The following NAV2 variants were observed in gnomAD, a reference collection of about 807,000 sequenced individuals.
NAV2 encodes neuron navigator 2.
Under a neutral mutation model 223.2 loss-of-function variants are expected in NAV2, and 54 were observed. That is an observed-to-expected ratio of 0.24 (90% CI 0.19 to 0.30). NAV2 has a LOEUF of 0.30. NAV2 is among the 10% of genes least tolerant of loss of function. NAV2 has a pLI of 1.00. For missense variants in NAV2, 2,806 were observed against 3,147.5 expected (o/e 0.89, Z 2.60); for synonymous variants, 1,279 against 1,239.3 (o/e 1.03, Z -0.67).
At chr11:20,105,840 A>G (rs2061985743) in intron 35 of NAV2, 113 bp downstream of exon 35, 3 of 841,154 alleles carry the variant, frequency 3.6e-6, no homozygotes, top group East Asian at 2.5e-5. Context: ...TGGACTGTCC[A>G]TAAAGATAGA....
chr11:19,454,389 G>A (rs943833631), intron 1 of NAV2, among the ~76,000 whole-genome samples: 3 of 152,192 alleles, frequency 2.0e-5, no homozygotes, highest in African/African-American at 7.2e-5. Flanking sequence ...GACACAGCCT[G>A]TCTGTGGCTT....
At chr11:19,813,753 T>A (rs1478748199) in intron 1 of NAV2, among the ~76,000 whole-genome samples, 2 of 152,298 alleles carry the variant, frequency 1.3e-5, no homozygotes, top group Middle Eastern at 3.4e-3. Context: ...CGTTGACTGC[T>A]GAGGACTGCG....
chr11:19,577,588 C>T (rs1218798243), intron 1 of NAV2, among the ~76,000 whole-genome samples: 2 of 152,252 alleles, frequency 1.3e-5, no homozygotes, highest in Non-Finnish European at 2.9e-5. Flanking sequence ...GCAGATCTCT[C>T]AACAAAATGT....
At chr11:19,484,139 C>CACACAT (rs1372168745) in intron 1 of NAV2, among the ~76,000 whole-genome samples, 10 of 151,366 alleles carry the variant, frequency 6.6e-5, no homozygotes, top group Non-Finnish European at 1.5e-5. Flanking sequence ...CACACACACA[C>CACACAT]ACACACACAC....
At chr11:19,621,765 C>T (rs762010560) in intron 1 of NAV2, among the ~76,000 whole-genome samples, 3 of 152,056 alleles carry the variant, frequency 2.0e-5, no homozygotes, top group African/African-American at 7.2e-5. Context: ...TTCAGTTCCG[C>T]TCTGATCTTA....
intron 1 of NAV2, among the ~76,000 whole-genome samples, chr11:19,448,913 T>A (rs1357768708): frequency 1.3e-5 from 2 of 152,204 alleles, no homozygotes; most frequent in Non-Finnish European, 2.9e-5. Context: ...CTAAGAGTGA[T>A]TGCTAAGGAA....
intron 1 of NAV2, among the ~76,000 whole-genome samples, chr11:19,604,938 C>G (rs2046440173): frequency 6.6e-6 from 1 of 152,222 alleles, no homozygotes; most frequent in Non-Finnish European, 1.5e-5. Flanking sequence ...ACTTGCTCCT[C>G]CTTGCCTTCT....
chr11:20,090,998 G>A lies in NAV2; in HGVS notation c.5632G>A (p.Glu1878Lys). The A allele has an allele frequency of 1.2e-6, 2 of 1,613,550 alleles. No individual in the cohort carries two copies. Among genetic ancestry groups the A allele is most frequent in the Non-Finnish European group, 1.7e-6 (2 of 1,179,848 alleles). ...SSAHQLDQLR[E>K]AMNRMQSEIE... is the part of the protein sequence containing the mutation. ...TGCCCACCAGCTGGACCAGCTCCGG[G>A]AGGCCATGAACAGGATGCAGGTGAG... Residue 1878 changes from glutamate (E) to lysine (K), a missense_variant, in exon 27 of 38, where the codon GAG becomes AAG. By Grantham distance (56) the Glu-to-Lys change is moderately conservative. Around this residue, in one of 4 missense-constraint regions of NAV2, gnomAD observed 824 missense variants for 1,069.4 expected, o/e 0.77. Coordinates refer to ENST00000349880, the MANE Select transcript of NAV2 (RefSeq NM_145117.5).
Position 19,547,993 on chromosome 11 carries a change from A to C in NAV2, c.75+196966A>C, listed in dbSNP as rs528736780. 1.6e-4 allele frequency among the ~76,000 whole-genome samples: 25 copies of C among 152,324 alleles called. No homozygotes were observed. The East Asian group carries it at 4.8e-3, about 29-fold the overall frequency. On this transcript the variant is annotated intron_variant, in intron 1 of 37. Transcript: ENST00000360655. ...TTACAGATGGGGAATCCCAGCCTGC[A>C]AGAGGTTAAATAACCAGCCACACAT...
intron 1 of NAV2, among the ~76,000 whole-genome samples, chr11:19,440,190 C>T (rs1590206768): frequency 6.6e-6 from 1 of 152,198 alleles, no homozygotes; most frequent in Non-Finnish European, 1.5e-5. Flanking sequence ...CTGCATGAAG[C>T]TACTGTCTAG....
At chr11:19,392,124 C>T (rs1013333430) in intron 1 of NAV2, among the ~76,000 whole-genome samples, 3 of 152,144 alleles carry the variant, frequency 2.0e-5, no homozygotes, top group Admixed American at 6.5e-5. Context: ...GAGAATCAGA[C>T]TTGAAAAGTA....
intron 25 of NAV2, among the ~76,000 whole-genome samples, chr11:20,080,567 A>G (rs1276178366): frequency 5.9e-5 from 2 of 33,822 alleles, no homozygotes; most frequent in Non-Finnish European, 1.2e-4. Flanking sequence ...ATAGATCCAA[A>G]ATATTTTTTT....
intron 1 of NAV2, among the ~76,000 whole-genome samples, chr11:19,435,277 C>A (rs1158802960): frequency 6.6e-6 from 1 of 152,128 alleles, no homozygotes; most frequent in Non-Finnish European, 1.5e-5. Flanking sequence ...ACTCTTTCTT[C>A]TATGAGTCTG....
At chr11:19,400,344 C>T (rs932632572) in intron 1 of NAV2, among the ~76,000 whole-genome samples, 1 of 152,170 alleles carries the variant, frequency 6.6e-6, no homozygotes, top group African/African-American at 2.4e-5. Flanking sequence ...TGGGCTTTGC[C>T]AATTCCGAAG....
chr11:19,686,253 T>C (rs2049019900), intron 1 of NAV2, among the ~76,000 whole-genome samples: 1 of 152,168 alleles, frequency 6.6e-6, no homozygotes, highest in East Asian at 1.9e-4. Context: ...TGTGATATGT[T>C]CCCTTGCTTT....
At chr11:19,813,659 C>T (rs927743129) in intron 1 of NAV2, among the ~76,000 whole-genome samples, 7 of 152,144 alleles carry the variant, frequency 4.6e-5, no homozygotes, top group African/African-American at 1.2e-4. Flanking sequence ...ACAGCGGGTG[C>T]GTGACTTCAG....
At chr11:19,966,051 G>C (rs1480569180) in intron 10 of NAV2, among the ~76,000 whole-genome samples, 2 of 152,168 alleles carry the variant, frequency 1.3e-5, no homozygotes, top group African/African-American at 4.8e-5. Context: ...AAGGGCAAAG[G>C]GTACAGTGAA....
intron 1 of NAV2, among the ~76,000 whole-genome samples, chr11:19,447,681 C>A (rs1851635924): frequency 6.6e-6 from 1 of 152,212 alleles, no homozygotes; most frequent in South Asian, 2.1e-4. Context: ...AAGCCTGCCT[C>A]ATGGGCAGAG....
intron 6 of NAV2, among the ~76,000 whole-genome samples, chr11:19,901,284 C>A (rs145076131): frequency 1.3e-5 from 2 of 152,334 alleles, no homozygotes; most frequent in East Asian, 3.9e-4. Context: ...TGATGACTCA[C>A]GCCTGTAATC....
Sources: allele counts gnomAD v4.1 joint callset (sites outside exome capture counted in the v4.1 genomes callset), GRCh38; gene constraint gnomAD v4.1.1; regional missense constraint gnomAD v4.1.1; transcripts MANE v1.5; gene names NCBI Gene and HGNC (gene_info 2026-07-23, HGNC 2026-07-21).